The following ITGA6 variants were observed in gnomAD, a reference collection of about 807,000 sequenced individuals.
ITGA6 encodes integrin alpha-6.
In ITGA6, 63 loss-of-function variants were observed where a neutral mutation model predicts 133.6. The ratio of observed to expected loss-of-function variants is 0.47; its 90% CI spans 0.38 to 0.58. The LOEUF (loss-of-function observed/expected upper bound fraction) is 0.58. ITGA6 is among the 20% of genes least tolerant of loss of function. The pLI, the probability that ITGA6 is intolerant of heterozygous loss-of-function variation, is 0.00. For missense variants in ITGA6, 1,068 were observed against 1,309.4 expected, an observed-to-expected ratio of 0.82 and a Z score of 2.85; for synonymous variants, 434 against 482.0, an observed-to-expected ratio of 0.90 and a Z score of 1.30.
chr2:172,487,038 G>A lies in ITGA6; in HGVS notation c.1870G>A (p.Glu624Lys). ...TAHIDVHFLK[E>K]GCGDDNVCNS... The stretch of plus-strand genomic sequence containing the variant: ...TTTCCTACAGGTTCACTTCTTAAAA[G>A]AGGGATGTGGAGACGACAATGTATG... Residue 624 changes from glutamate (E) to lysine (K), a missense_variant, in exon 14 of 26, where the codon GAG becomes AAG. By Grantham distance (56) the Glu-to-Lys change is moderately conservative. Transcript: ENST00000684293. 1.2e-6 allele frequency: 2 copies of A among 1,604,590 alleles called. No homozygotes were observed. Among genetic ancestry groups the A allele is most frequent in the African/African-American group, 1.3e-5 (1 of 74,828 alleles).
At chr2:172,428,063 G>A in intron 1 of ITGA6, 93 bp downstream of exon 1, 1 of 1,362,188 alleles carries the variant, frequency 7.3e-7, no homozygotes, top group South Asian at 1.5e-5. Flanking sequence ...GCCCCGGGGA[G>A]TAGTTGGCCC....
upstream of ITGA6, chr2:172,427,476 G>C: frequency 4.6e-6 from 5 of 1,079,164 alleles, no homozygotes; most frequent in Non-Finnish European, 5.6e-6. Context: ...GGCGGGTAAG[G>C]TGCGGGCGGT....
At chr2:172,447,480 CAGGTGTG>C (rs1684815044) in intron 1 of ITGA6, among the ~76,000 whole-genome samples, 1 of 152,110 alleles carries the variant, frequency 6.6e-6, no homozygotes, top group African/African-American at 2.4e-5. Flanking sequence ...GCTACGATTA[CAGGTGTG>C]AGTCACCACA....
chr2:172,494,803 T>G (rs969059576), intron 23 of ITGA6, among the ~76,000 whole-genome samples: 1 of 152,344 alleles, frequency 6.6e-6, no homozygotes, highest in Non-Finnish European at 1.5e-5. Flanking sequence ...GATTGTTTAT[T>G]GGTTGTATTT....
At chr2:172,472,698 C>T in intron 5 of ITGA6, 1 of 921,920 alleles carries the variant, frequency 1.1e-6, no homozygotes. Context: ...CCAGCGAGAA[C>T]AGCAGTGGCT....
At chr2:172,447,967 C>T (rs1031689472) in intron 1 of ITGA6, among the ~76,000 whole-genome samples, 1 of 152,078 alleles carries the variant, frequency 6.6e-6, no homozygotes, top group Non-Finnish European at 1.5e-5. Context: ...ATGAGACACA[C>T]CCATAGTAAA....
intron 1 of ITGA6, among the ~76,000 whole-genome samples, chr2:172,429,828 G>A (rs1389083530): frequency 6.6e-6 from 1 of 152,186 alleles, no homozygotes; most frequent in Admixed American, 6.5e-5. Flanking sequence ...AGAGGCTGTG[G>A]TTTATGTCAC....
chr2:172,451,895 G>A (rs1376616480), intron 1 of ITGA6, among the ~76,000 whole-genome samples: 3 of 151,990 alleles, frequency 2.0e-5, no homozygotes, highest in Admixed American at 6.6e-5. Flanking sequence ...GGGAGTGGTG[G>A]TGTACTGTTC....
At chr2:172,497,921 G>A (rs917815485) in intron 23 of ITGA6, 54 bp from the exon 24 acceptor site, 11 of 1,605,580 alleles carry the variant, frequency 6.9e-6, no homozygotes, top group Admixed American at 1.7e-5. Flanking sequence ...TAAACTCCTG[G>A]TGTGAACTCT....
intron 1 of ITGA6, among the ~76,000 whole-genome samples, chr2:172,449,095 C>G (rs1684881235): frequency 6.6e-6 from 1 of 152,132 alleles, no homozygotes; most frequent in Admixed American, 6.6e-5. Flanking sequence ...GGGGCAGCTC[C>G]TGGTGGATGG....
At chr2:172,466,084 C>T in intron 2 of ITGA6, 1 of 289,804 alleles carries the variant, frequency 3.5e-6, no homozygotes, top group South Asian at 3.3e-5. Context: ...TGAGAGCTGG[C>T]TAACAGAGAT....
Position 172,491,474 on chromosome 2 carries a change from A to G in ITGA6, c.2939A>G (p.Asp980Gly). ...YLDILMRAFI[D>G]VTAAAENIRL... ...GACATTCTCATGCGAGCCTTCATTG[A>G]TGTGACTGCTGCTGCCGAAAATATC... Residue 980 changes from aspartate to glycine, a missense_variant, in exon 23 of 26, where the codon GAT (aspartate) becomes GGT (glycine). Around this residue, in one of 3 missense-constraint regions of ITGA6, gnomAD observed 609 missense variants for 707.2 expected, o/e 0.86. Transcript: ENST00000684293. This position sits in a 1 kb window ranked among gnomAD's most constrained non-coding sequence, Gnocchi z 4.4. The G allele has an allele frequency of 6.2e-7, 1 of 1,613,872 alleles. No individual in the cohort carries two copies. Among genetic ancestry groups the G allele is most frequent in the Non-Finnish European group, 8.5e-7 (1 of 1,180,000 alleles).
intron 23 of ITGA6, among the ~76,000 whole-genome samples, chr2:172,493,796 T>C (rs16860569): frequency 0.054 from 8,263 of 152,278 alleles, 715 homozygotes; most frequent in African/African-American, 0.19. Flanking sequence ...TTGGGTCTGA[T>C]GTCTCCTCTT....
chr2:172,470,485 C>T (rs2149043149), intron 4 of ITGA6, among the ~76,000 whole-genome samples: 1 of 152,180 alleles, frequency 6.6e-6, no homozygotes, highest in African/African-American at 2.4e-5. Context: ...GTGATTTGGG[C>T]TTACTATATG....
At chr2:172,443,733 T>A (rs1268296795) in intron 1 of ITGA6, among the ~76,000 whole-genome samples, 1 of 152,226 alleles carries the variant, frequency 6.6e-6, no homozygotes, top group African/African-American at 2.4e-5. Flanking sequence ...TAGTGTTTCA[T>A]GTTTTATCAC....
At chr2:172,494,176 A>T (rs1420042103) in intron 23 of ITGA6, among the ~76,000 whole-genome samples, 6 of 152,214 alleles carry the variant, frequency 3.9e-5, no homozygotes, top group Admixed American at 1.3e-4. Flanking sequence ...ATTTGGCTTA[A>T]AAAAGCAAAA....
At chr2:172,475,821 G>GT (rs1196561406) in intron 8 of ITGA6, 136 bp downstream of exon 8, 1 of 650,340 alleles carries the variant, frequency 1.5e-6, no homozygotes, top group African/African-American at 1.8e-5. Flanking sequence ...TTTTAAAAAT[G>GT]TATTACTAGA....
intron 1 of ITGA6, among the ~76,000 whole-genome samples, chr2:172,452,193 C>G (rs144138582): frequency 6.6e-6 from 1 of 152,128 alleles, no homozygotes; most frequent in Non-Finnish European, 1.5e-5. Context: ...CTTTGACTAC[C>G]AGAGGCCTTA....
At position 172,487,257 on chromosome 2, in the gene ITGA6, T is replaced by G. The variant is rs1653227040; in HGVS notation, c.1971-7T>G. 1.2e-6 allele frequency: 2 copies of G among 1,609,232 alleles called. No homozygotes were observed. The highest frequency in any genetic ancestry group is 1.7e-6 in the Non-Finnish European group (2 of 1,175,786). ...CCTTTTTGTTCTTGTTTTCTTATTT[T>G]TAATAGTCAAAAAGGTGTACCAGAA... is the stretch of plus-strand genomic sequence containing the variant. On this transcript the variant is annotated splice_polypyrimidine_tract_variant and splice_region_variant and intron_variant, in intron 14 of 25. Coordinates refer to ENST00000684293, the MANE Select transcript of ITGA6 (RefSeq NM_000210.4).
Sources: allele counts gnomAD v4.1 joint callset (sites outside exome capture counted in the v4.1 genomes callset), GRCh38; gene constraint gnomAD v4.1.1; regional missense constraint gnomAD v4.1.1; non-coding constraint Gnocchi (gnomAD v3.1); transcripts MANE v1.5; gene names NCBI Gene and HGNC (gene_info 2026-07-23, HGNC 2026-07-21).